PPP2R5D: variants seen among roughly 807,000 people sequenced by gnomAD.
PPP2R5D encodes protein phosphatase 2 regulatory subunit B'delta.
PPP2R5D carries 12 observed loss-of-function variants against 79.1 expected under a neutral mutation model. That is an observed-to-expected ratio of 0.15 (90% CI 0.10 to 0.25). The LOEUF (loss-of-function observed/expected upper bound fraction) is 0.25, where lower values mean the gene tolerates loss of function less well. PPP2R5D is among the 10% of genes least tolerant of loss of function. The probability of loss-of-function intolerance (pLI) is 1.00; values close to 1 mark genes in which losing one functional copy is unlikely to be tolerated. For missense variants in PPP2R5D, 419 were observed against 760.2 expected, an observed-to-expected ratio of 0.55 and a Z score of 5.28; for synonymous variants, 277 against 286.6, an observed-to-expected ratio of 0.97 and a Z score of 0.34.
At chr6:42,997,253 C>T (rs540666826) in intron 2 of PPP2R5D, among the ~76,000 whole-genome samples, 4 of 151,646 alleles carry the variant, frequency 2.6e-5, no homozygotes, top group African/African-American at 4.8e-5. Context: ...AGTGCAATGG[C>T]GTGATCTCAG....
chr6:43,004,281 C>T (rs1192363945), intron 2 of PPP2R5D, among the ~76,000 whole-genome samples: 1 of 152,162 alleles, frequency 6.6e-6, no homozygotes, highest in East Asian at 1.9e-4. Flanking sequence ...CCTTGGCCTC[C>T]CAAAGTGCTG....
chr6:43,003,082 T>C (rs1484745551), intron 2 of PPP2R5D, among the ~76,000 whole-genome samples: 2 of 152,166 alleles, frequency 1.3e-5, no homozygotes, highest in Non-Finnish European at 2.9e-5. Context: ...GAAAATGGAC[T>C]TCATGGGGCT....
At position 43,007,648 on chromosome 6, in the gene PPP2R5D, C is replaced by G. The variant is rs1449453220; in HGVS notation, c.726+142C>G. ...CGAGGAGGCTATAAAGGGTAAAAAA[C>G]AAAACAAAACAAAACCCTACTCTGG... On this transcript the variant is annotated intron_variant, in intron 6 of 15. Coordinates refer to ENST00000485511, the MANE Select transcript of PPP2R5D (RefSeq NM_006245.4). This position sits in a 1 kb window ranked among gnomAD's most constrained non-coding sequence, Gnocchi z 4.5. The G allele has an allele frequency of 7.9e-6, 7 of 888,990 alleles. No homozygotes were observed. The highest frequency in any genetic ancestry group is 1.2e-5 in the Non-Finnish European group (7 of 581,148). 55.1% of individuals were successfully genotyped at this position (888,990 alleles called of 1,614,324 possible). A position where few individuals can be genotyped will look rare whatever the true frequency, so the allele number is the denominator to read the frequency against.
At chr6:43,002,238 A>T (rs962361829) in intron 2 of PPP2R5D, among the ~76,000 whole-genome samples, 1 of 149,912 alleles carries the variant, frequency 6.7e-6, no homozygotes, top group Non-Finnish European at 1.5e-5. Flanking sequence ...ATCTCAGCTC[A>T]CTGCAACCTC....
At chr6:42,992,312 G>C (rs1239828630) in intron 2 of PPP2R5D, among the ~76,000 whole-genome samples, 1 of 152,098 alleles carries the variant, frequency 6.6e-6, no homozygotes, top group African/African-American at 2.4e-5. Flanking sequence ...ACCCGCCTCG[G>C]CCTCCCAAAG....
At chr6:42,993,734 C>T (rs561937801) in intron 2 of PPP2R5D, among the ~76,000 whole-genome samples, 1 of 152,238 alleles carries the variant, frequency 6.6e-6, no homozygotes, top group African/African-American at 2.4e-5. Flanking sequence ...CTTCTAAGGA[C>T]ACCAGTCATA....
At chr6:42,988,654 A>T (rs556653336) in intron 1 of PPP2R5D, among the ~76,000 whole-genome samples, 8 of 152,234 alleles carry the variant, frequency 5.3e-5, no homozygotes, top group Admixed American at 6.5e-5. Context: ...TATGGGTTGC[A>T]TTTCCCTCTA....
At chr6:42,995,567 T>G (rs112936663) in intron 2 of PPP2R5D, among the ~76,000 whole-genome samples, 17,675 of 151,752 alleles carry the variant, frequency 0.12, 1,570 homozygotes, top group African/African-American at 0.23. Context: ...CTTTTTTTTT[T>G]TTTGAGACGG....
rs769935587 is a variant in PPP2R5D at position 43,010,622 on chromosome 6, G to A, written c.1482-42G>A. On this transcript the variant is annotated intron_variant, in intron 13 of 15. Coordinates refer to ENST00000485511, the MANE Select transcript of PPP2R5D (RefSeq NM_006245.4). This position sits in a 1 kb window ranked among gnomAD's most constrained non-coding sequence, Gnocchi z 4.7. ...TCATCTTCTACCACCAGCTCACTGT[G>A]TTTCTCTCAAGCCCAACCCCAATCC... 2 of 1,613,406 alleles carry A rather than the reference G, an allele frequency of 1.2e-6. No individual in the cohort carries two copies. Among genetic ancestry groups the A allele is most frequent in the East Asian group, 2.2e-5 (1 of 44,874 alleles).
At chr6:42,989,890 C>T (rs528340545) in intron 2 of PPP2R5D, among the ~76,000 whole-genome samples, 1 of 152,206 alleles carries the variant, frequency 6.6e-6, no homozygotes, top group Non-Finnish European at 1.5e-5. Flanking sequence ...TCTAGTTCTT[C>T]AGACTCCCCA....
chr6:43,005,396 A>G (rs951760139), intron 2 of PPP2R5D, among the ~76,000 whole-genome samples: 30 of 151,514 alleles, frequency 2.0e-4, no homozygotes, highest in African/African-American at 5.1e-4. Context: ...GGATCCTCCA[A>G]CCTTGAGTAG....
rs1762282614 is a variant in PPP2R5D at position 43,010,140 on chromosome 6, G to T, written c.1380-328G>T. 6.6e-6 allele frequency among the ~76,000 whole-genome samples: 1 copy of T among 152,134 alleles called. No homozygotes were observed. Among genetic ancestry groups the T allele is most frequent in the Non-Finnish European group, 1.5e-5 (1 of 68,032 alleles). On this transcript the variant is annotated intron_variant, in intron 12 of 15. Coordinates refer to ENST00000485511, the MANE Select transcript of PPP2R5D (RefSeq NM_006245.4). The surrounding 1 kb of genome is among the most constrained non-coding windows in gnomAD (Gnocchi z 4.7). ...GCACACTGTGGTGTAGATGCAGTCTGTCATGCTGCATCTACATGCCCATCA... is the reference window on the plus strand; with the variant it reads ...GCACACTGTGGTGTAGATGCAGTCTTTCATGCTGCATCTACATGCCCATCA...
chr6:42,986,620 G>A (rs1581792668), intron 1 of PPP2R5D, among the ~76,000 whole-genome samples: 3 of 152,128 alleles, frequency 2.0e-5, no homozygotes, highest in Admixed American at 2.0e-4. Context: ...TGCGGAGGTG[G>A]TTTGGGTAGC....
Position 43,007,812 on chromosome 6 carries a change from A to G in PPP2R5D, c.727-123A>G, listed in dbSNP as rs1296668020. On this transcript the variant is annotated intron_variant, in intron 6 of 15. Coordinates refer to ENST00000485511, the MANE Select transcript of PPP2R5D (RefSeq NM_006245.4). This position sits in a 1 kb window ranked among gnomAD's most constrained non-coding sequence, Gnocchi z 4.5. The stretch of plus-strand genomic sequence containing the variant: ...CAATATAATAGAATCACTGCTTTCT[A>G]AGACTTGCTGGCCCCCACTCCAGGG... 4 of 1,267,752 alleles carry G rather than the reference A, an allele frequency of 3.2e-6. No homozygotes were observed. The highest frequency in any genetic ancestry group is 4.5e-6 in the Non-Finnish European group (4 of 894,428). 78.5% of individuals were successfully genotyped at this position (1,267,752 alleles called of 1,614,324 possible). A position where few individuals can be genotyped will look rare whatever the true frequency, so the allele number is the denominator to read the frequency against.
chr6:43,009,268 C>T lies in PPP2R5D; in HGVS notation c.1251+41C>T, dbSNP rs761948696. On this transcript the variant is annotated intron_variant, in intron 11 of 15. Transcript: ENST00000485511. This position sits in a 1 kb window ranked among gnomAD's most constrained non-coding sequence, Gnocchi z 5.6. The stretch of plus-strand genomic sequence containing the variant: ...AGCATATCCTAGCCCCTGCCAGAAA[C>T]TGAGGTCTTGAGTGAAATGAGCAGC... The T allele has an allele frequency of 1.9e-6, 3 of 1,613,884 alleles. No homozygotes were observed. Among genetic ancestry groups the T allele is most frequent in the East Asian group, 2.2e-5 (1 of 44,892 alleles).
intron 2 of PPP2R5D, among the ~76,000 whole-genome samples, chr6:42,998,039 ATATATATATATATATATAT>A (rs1771870182): frequency 3.9e-5 from 1 of 25,390 alleles, no homozygotes; most frequent in African/African-American, 1.1e-4. Flanking sequence ...ATATATATAT[ATATATATATATATATATAT>A]TTTTTTTTTT....
intron 1 of PPP2R5D, among the ~76,000 whole-genome samples, chr6:42,987,711 C>T (rs1422196419): frequency 6.6e-6 from 1 of 152,182 alleles, no homozygotes; most frequent in Non-Finnish European, 1.5e-5. Flanking sequence ...GGTGGTAGGC[C>T]TGGTTCCTCC....
chr6:42,995,503 C>T (rs1370578267), intron 2 of PPP2R5D, among the ~76,000 whole-genome samples: 2 of 151,874 alleles, frequency 1.3e-5, no homozygotes, highest in African/African-American at 2.4e-5. Context: ...TCCACTGGCC[C>T]GGACTGCTTT....
At chr6:42,987,531 CAGAG>C (rs1391352091) in intron 1 of PPP2R5D, among the ~76,000 whole-genome samples, 10 of 152,138 alleles carry the variant, frequency 6.6e-5, no homozygotes, top group Admixed American at 6.5e-4. Flanking sequence ...AACTGAGGCT[CAGAG>C]AGGCTAGTTA....
Sources: gnomAD v4.1 joint callset for allele counts (sites outside exome capture counted in the v4.1 genomes callset) on GRCh38, gnomAD v4.1.1 for gene constraint, Gnocchi (gnomAD v3.1) non-coding constraint, MANE v1.5 for transcripts, NCBI Gene and HGNC (gene_info 2026-07-23, HGNC 2026-07-21) for gene names.